Variants in RBM27 observed in about 807,000 individuals in gnomAD.
RBM27 encodes RNA-binding protein 27.
A neutral mutation model predicts 135.3 loss-of-function variants in RBM27; 22 were observed. That is an observed-to-expected ratio of 0.16 (90% confidence interval 0.12 to 0.23). RBM27 has a LOEUF of 0.23. Ranked by LOEUF, RBM27 falls within the 10% of genes least tolerant of loss-of-function variation. The probability of loss-of-function intolerance (pLI) is 1.00; values close to 1 mark genes in which losing one functional copy is unlikely to be tolerated. For synonymous variants in RBM27, 481 were observed against 442.4 expected, an observed-to-expected ratio of 1.09 and a Z score of -1.10; for missense variants, 1,009 against 1,281.0, an observed-to-expected ratio of 0.79 and a Z score of 3.24.
intron 1 of RBM27, among the ~76,000 whole-genome samples, chr5:146,215,757 A>ATT (rs879581092): frequency 6.9e-6 from 1 of 145,524 alleles, no homozygotes; most frequent in Non-Finnish European, 1.5e-5. Context: ...GGCATGTGTA[A>ATT]TTTTTTTTTT....
intron 8 of RBM27, among the ~76,000 whole-genome samples, chr5:146,244,448 T>G (rs1291179162): frequency 6.6e-6 from 1 of 150,848 alleles, no homozygotes; most frequent in Non-Finnish European, 1.5e-5. Flanking sequence ...AATAAATAAC[T>G]AACTGTGTTT....
chr5:146,230,805 T>C lies in RBM27; in HGVS notation c.738T>C (p.Ala246=). 6.2e-7 allele frequency: 1 copy of C among 1,614,066 alleles called. No individual in the cohort carries two copies. The highest frequency in any genetic ancestry group is 8.5e-7 in the Non-Finnish European group (1 of 1,179,962). Residue 246 remains alanine (A), a synonymous_variant, in exon 6 of 21, where the codon GCT becomes GCC. Transcript: ENST00000265271. ...IPSTVTVIAP[A]HHSENTTESW... ...GCACTGTTACTGTGATCGCACCTGC[T>C]CACCACTCTGAAAACACAACTGAGA...
Position 146,263,575 on chromosome 5 carries a change from C to G in RBM27, c.2275C>G (p.Gln759Glu). The G allele has an allele frequency of 6.2e-7, 1 of 1,614,084 alleles. No individual in the cohort carries two copies. The highest frequency in any genetic ancestry group is 1.1e-5 in the South Asian group (1 of 91,076). Reference sequence around the variant, plus strand: ...TCGTCTTGGACATGCAGGTGGTAACCAGAGTGATGCATCACATTTGTTGAA... The same window carrying G: ...TCGTCTTGGACATGCAGGTGGTAACGAGAGTGATGCATCACATTTGTTGAA... Reference protein sequence around the residue: ...KHRLGHAGGNQSDASHLLNQS... With the variant: ...KHRLGHAGGNESDASHLLNQS... Residue 759 changes from glutamine to glutamate, a missense_variant, in exon 14 of 21, where the codon CAG (glutamine) becomes GAG (glutamate). Gln to Glu is a conservative substitution (Grantham distance 29). Transcript: ENST00000265271.
chr5:146,228,784 A>G (rs1756797018), intron 3 of RBM27, among the ~76,000 whole-genome samples, 162 bp from the exon 4 acceptor site: 1 of 151,786 alleles, frequency 6.6e-6, no homozygotes, highest in Non-Finnish European at 1.5e-5. Flanking sequence ...TATTTTATTT[A>G]TTATTTTTAG....
chr5:146,260,763 A>G lies in RBM27; in HGVS notation c.1758A>G (p.Gln586=), dbSNP rs536503237. ...CTTTTAGGCAAGGAAATAACAATCA[A>G]AATAAACCAGGGTTCTTACGAAAGA... is the stretch of plus-strand genomic sequence containing the variant. The part of the protein sequence containing the change: ...PWLGKQGNNN[Q]NKPGFLRKNQ... Residue 586 remains glutamine (Q), a synonymous_variant, in exon 12 of 21, where the codon CAA becomes CAG. Transcript: ENST00000265271. 4 of 1,607,724 alleles carry G rather than the reference A, an allele frequency of 2.5e-6. No homozygotes were observed. Among genetic ancestry groups the G allele is most frequent in the East Asian group, 2.2e-5 (1 of 44,792 alleles).
At chr5:146,260,968 C>T in intron 12 of RBM27, 70 bp downstream of exon 12, 3 of 1,449,990 alleles carry the variant, frequency 2.1e-6, no homozygotes, top group Non-Finnish European at 2.8e-6. Flanking sequence ...TATCAGCTCA[C>T]CTTGTTTAAA....
intron 10 of RBM27, 129 bp downstream of exon 10, chr5:146,255,221 G>T (rs1758055307): frequency 1.4e-6 from 1 of 725,812 alleles, no homozygotes; most frequent in South Asian, 2.6e-5. Context: ...TCTCTTTGGA[G>T]GGTGCTATGT....
At position 146,233,669 on chromosome 5, in the gene RBM27, C is replaced by T. The variant is rs1458051795; in HGVS notation, c.1070C>T (p.Pro357Leu). Residue 357 changes from proline to leucine, a missense_variant, in exon 7 of 21, where the codon CCT becomes CTT. Physicochemically the swap from Pro to Leu is moderately conservative, Grantham distance 98 (BLOSUM62 -3). Transcript: ENST00000265271. ...PGPGPGPGPG[P>L]GHSMRLPVPQ... is the part of the protein sequence containing the mutation. Reference sequence around the variant, plus strand: ...CCAGGCCCGGGCCCAGGTCCAGGTCCTGGCCATAGTATGAGACTTCCTGTT... The same window carrying T: ...CCAGGCCCGGGCCCAGGTCCAGGTCTTGGCCATAGTATGAGACTTCCTGTT... The T allele has an allele frequency of 3.9e-6, 6 of 1,554,880 alleles. No homozygotes were observed. Among genetic ancestry groups the T allele is most frequent in the Non-Finnish European group, 4.3e-6 (5 of 1,160,792 alleles).
intron 1 of RBM27, among the ~76,000 whole-genome samples, chr5:146,206,708 G>A (rs1447967817): frequency 2.6e-5 from 4 of 152,056 alleles, no homozygotes; most frequent in African/African-American, 9.7e-5. Context: ...AGCATCACGA[G>A]TAGCTGGGAT....
chr5:146,235,592 G>A (rs1185968964), intron 7 of RBM27, among the ~76,000 whole-genome samples: 1 of 151,950 alleles, frequency 6.6e-6, no homozygotes, highest in Admixed American at 6.6e-5. Context: ...ATTAAAGTTG[G>A]TAAATGTTTG....
chr5:146,243,726 A>G (rs1757504743), intron 8 of RBM27, among the ~76,000 whole-genome samples: 1 of 152,216 alleles, frequency 6.6e-6, no homozygotes, highest in Non-Finnish European at 1.5e-5. Context: ...GAAAGTTTAA[A>G]TTATGGATAT....
intron 14 of RBM27, among the ~76,000 whole-genome samples, chr5:146,263,979 C>T (rs1758505688): frequency 6.6e-6 from 1 of 151,606 alleles, no homozygotes; most frequent in African/African-American, 2.4e-5. Context: ...TGGTGGCAGA[C>T]ACCTGTAATC....
intron 8 of RBM27, among the ~76,000 whole-genome samples, chr5:146,239,469 T>TTCC (rs1757308159): frequency 3.3e-5 from 3 of 90,614 alleles, no homozygotes; most frequent in Non-Finnish European, 8.2e-5. Context: ...TTTTTTTCCT[T>TTCC]TTCTTTTTTT....
At chr5:146,236,517 A>T (rs1757166714) in intron 7 of RBM27, among the ~76,000 whole-genome samples, 1 of 152,192 alleles carries the variant, frequency 6.6e-6, no homozygotes, top group African/African-American at 2.4e-5. Context: ...CTTTTAATTG[A>T]TTATACAACT....
At chr5:146,204,225 T>G (rs1755526219) in intron 1 of RBM27, among the ~76,000 whole-genome samples, 1 of 152,178 alleles carries the variant, frequency 6.6e-6, no homozygotes, top group African/African-American at 2.4e-5. Context: ...TATCAAGGGT[T>G]TGATAAACAT....
chr5:146,236,367 A>G (rs1460191913), intron 7 of RBM27, among the ~76,000 whole-genome samples: 1 of 152,176 alleles, frequency 6.6e-6, no homozygotes, highest in African/African-American at 2.4e-5. Flanking sequence ...ATTAACTTGA[A>G]TTCTGTAGAA....
chr5:146,279,996 G>C (rs1156546297), intron 19 of RBM27, among the ~76,000 whole-genome samples: 1 of 151,846 alleles, frequency 6.6e-6, no homozygotes, highest in Admixed American at 6.6e-5. Context: ...TATACATACA[G>C]GGCTGCATTC....
chr5:146,212,354 C>T (rs1756001545), intron 1 of RBM27, among the ~76,000 whole-genome samples: 1 of 144,842 alleles, frequency 6.9e-6, no homozygotes, highest in South Asian at 2.2e-4. Context: ...CCGCCCGGCC[C>T]TTGTTTTTTA....
intron 1 of RBM27, among the ~76,000 whole-genome samples, chr5:146,206,467 GAGTTT>G (rs1163815113): frequency 7.0e-6 from 1 of 141,946 alleles, no homozygotes; most frequent in East Asian, 2.1e-4. Context: ...ATGATTACTT[GAGTTT>G]AGTTTCTCCT....
Sources: allele counts gnomAD v4.1 joint callset (sites outside exome capture counted in the v4.1 genomes callset), GRCh38; gene constraint gnomAD v4.1.1; transcripts MANE v1.5; gene names NCBI Gene and HGNC (gene_info 2026-07-23, HGNC 2026-07-21).